Variants in ATP8B4 observed in about 807,000 individuals in gnomAD.
The protein encoded by ATP8B4 is ATPase phospholipid transporting 8B4 (putative).
A neutral mutation model predicts 145.6 loss-of-function variants in ATP8B4; 133 were observed. The ratio of observed to expected loss-of-function variants is 0.91; its 90% CI spans 0.79 to 1.05. ATP8B4 has a LOEUF of 1.05. ATP8B4 is among the 50% of genes least tolerant of loss of function. The pLI, the probability that ATP8B4 is intolerant of heterozygous loss-of-function variation, is 0.00. For missense variants in ATP8B4, 1,458 were observed against 1,425.2 expected, an observed-to-expected ratio of 1.02 and a Z score of -0.37; for synonymous variants, 507 against 492.9, an observed-to-expected ratio of 1.03 and a Z score of -0.38.
Position 50,150,865 on chromosome 15 carries a change from T to C in ATP8B4, c.-43+31396A>G, listed in dbSNP as rs1054358646. 6.6e-5 allele frequency among the ~76,000 whole-genome samples: 10 copies of C among 152,228 alleles called. 1 individual carries two copies. Among genetic ancestry groups the C allele is most frequent in the Admixed American group, 6.5e-4 (10 of 15,276 alleles). ...CTGGGCTAAGGCTAAAGACAACCAA[T>C]TGAATAAATCAAATGACCATTATCC... On this transcript the variant is annotated intron_variant, in intron 1 of 3. Coordinates refer to the ATP8B4 transcript ENST00000558829.
At chr15:50,027,371 A>ATGGATGGG (rs1432852721) in intron 6 of ATP8B4, among the ~76,000 whole-genome samples, 1 of 150,638 alleles carries the variant, frequency 6.6e-6, no homozygotes, top group Non-Finnish European at 1.5e-5. Flanking sequence ...TAAATATGGG[A>ATGGATGGG]TGGATGGGTG....
At chr15:49,944,464 C>A (rs1054848658) in intron 14 of ATP8B4, among the ~76,000 whole-genome samples, 1 of 152,032 alleles carries the variant, frequency 6.6e-6, no homozygotes, top group African/African-American at 2.4e-5. Flanking sequence ...AAAACCATTA[C>A]AAGAGACAAA....
intron 13 of ATP8B4, among the ~76,000 whole-genome samples, chr15:49,968,802 C>G (rs2044803311): frequency 6.6e-6 from 1 of 152,182 alleles, no homozygotes; most frequent in East Asian, 1.9e-4. Context: ...ACTCTCCACC[C>G]CAAATCAACA....
rs149974306 is a variant in ATP8B4 at position 50,172,315 on chromosome 15, G to A, written c.-43+9946C>T. Among the ~76,000 whole-genome samples, 960 of 152,360 alleles carry A rather than the reference G, an allele frequency of 6.3e-3. 12 individuals carry two copies. Among genetic ancestry groups the A allele is most frequent in the African/African-American group, 0.022 (917 of 41,580 alleles). On this transcript the variant is annotated intron_variant, in intron 1 of 3. Transcript: ENST00000558829. The stretch of plus-strand genomic sequence containing the variant: ...GCGCCGCCACGCCTGACTGGTTTTC[G>A]TATTTTTTGGTGGAGACGGGGTTTC...
intron 1 of ATP8B4, among the ~76,000 whole-genome samples, chr15:50,160,015 CTTTTTTTTTTTT>C (rs35773416): frequency 1.5e-4 from 3 of 20,080 alleles, no homozygotes; most frequent in African/African-American, 6.3e-4. Context: ...CAGGTCCTGG[CTTTTTTTTTTTT>C]TTTTTTTTTT....
chr15:50,033,981 G>A (rs1203303574), intron 6 of ATP8B4, among the ~76,000 whole-genome samples: 2 of 152,158 alleles, frequency 1.3e-5, no homozygotes, highest in African/African-American at 4.8e-5. Context: ...CATTTAGGAA[G>A]ATTCCATGTC....
chr15:50,132,248 T>C (rs1436634113), intron 1 of ATP8B4, among the ~76,000 whole-genome samples: 3 of 152,270 alleles, frequency 2.0e-5, no homozygotes, highest in Admixed American at 6.5e-5. Flanking sequence ...ATTGGTAATA[T>C]GAATATTAAT....
chr15:50,104,866 T>TACACACACACACACACACACACACAC lies in ATP8B4; in HGVS notation c.28+2072_28+2073insGTGTGTGTGTGTGTGTGTGTGTGTGT, dbSNP rs142425113. Reference sequence around the variant, plus strand: ...ACGAGCAAATAAAGAAAATGTTGCATACACACACACACACACACACACCCA... The same window carrying TACACACACACACACACACACACACAC: ...ACGAGCAAATAAAGAAAATGTTGCATACACACACACACACACACACACACACACACACACACACACACACACACCCA... On this transcript the variant is annotated intron_variant, in intron 2 of 27. Coordinates refer to ENST00000284509, the MANE Select transcript of ATP8B4 (RefSeq NM_024837.4). Among the ~76,000 whole-genome samples the TACACACACACACACACACACACACAC allele has an allele frequency of 2.5e-4, 29 of 116,388 alleles. No individual in the cohort carries two copies. In the East Asian group the frequency reaches 4.2e-3, roughly 17 times the overall value. 76.4% of individuals were successfully genotyped at this position (116,388 alleles called of 152,430 possible).
At chr15:49,959,551 G>A (rs986587582) in intron 14 of ATP8B4, among the ~76,000 whole-genome samples, 6 of 151,954 alleles carry the variant, frequency 3.9e-5, no homozygotes, top group Non-Finnish European at 8.8e-5. Flanking sequence ...AGATAGTATG[G>A]TTATATACTT....
intron 7 of ATP8B4, chr15:50,009,737 C>A (rs954158312): frequency 4.4e-5 from 20 of 450,518 alleles, no homozygotes; most frequent in East Asian, 4.2e-4. Context: ...AAATAGATTG[C>A]GAGTGAGAAC....
At chr15:50,061,690 T>A (rs2053038131) in intron 3 of ATP8B4, among the ~76,000 whole-genome samples, 1 of 152,202 alleles carries the variant, frequency 6.6e-6, no homozygotes, top group South Asian at 2.1e-4. Flanking sequence ...AACATGTGAC[T>A]GGCACTTGGC....
intron 14 of ATP8B4, among the ~76,000 whole-genome samples, chr15:49,954,967 T>C (rs918757871): frequency 5.9e-5 from 9 of 152,282 alleles, no homozygotes; most frequent in Admixed American, 5.2e-4. Context: ...ATGTGGTAAA[T>C]ATACACTATG....
intron 1 of ATP8B4, among the ~76,000 whole-genome samples, chr15:50,172,972 G>A (rs1281077106): frequency 1.3e-5 from 2 of 150,566 alleles, no homozygotes; most frequent in South Asian, 2.1e-4. Flanking sequence ...GGAGGTGGGG[G>A]GCAGCCCCCG....
chr15:50,096,438 T>C lies in ATP8B4; in HGVS notation c.28+10501A>G, dbSNP rs1567353061. Among the ~76,000 whole-genome samples the C allele has an allele frequency of 1.3e-5, 2 of 152,050 alleles. 1 individual carries two copies. The highest frequency in any genetic ancestry group is 4.1e-4 in the South Asian group (2 of 4,822). Reference sequence around the variant, plus strand: ...ATAAAGTTAAAGCAGCACACAAACTTAGGAAGGGTTTGAAAGGCAGAAGAC... The same window carrying C: ...ATAAAGTTAAAGCAGCACACAAACTCAGGAAGGGTTTGAAAGGCAGAAGAC... On this transcript the variant is annotated intron_variant, in intron 2 of 27. Coordinates refer to ENST00000284509, the MANE Select transcript of ATP8B4 (RefSeq NM_024837.4).
At chr15:50,013,327 A>C (rs2153573283) in intron 6 of ATP8B4, among the ~76,000 whole-genome samples, 1 of 152,212 alleles carries the variant, frequency 6.6e-6, no homozygotes, top group Admixed American at 6.5e-5. Flanking sequence ...GGGACATAGG[A>C]TGGCCTTTTG....
chr15:49,990,475 T>G (rs1285056068), intron 9 of ATP8B4, among the ~76,000 whole-genome samples: 1 of 152,160 alleles, frequency 6.6e-6, no homozygotes, highest in East Asian at 1.9e-4. Context: ...CATATCTGTT[T>G]GCCCCTCTGA....
At chr15:49,877,258 T>C (rs930170335) in intron 24 of ATP8B4, among the ~76,000 whole-genome samples, 1 of 152,172 alleles carries the variant, frequency 6.6e-6, no homozygotes, top group Non-Finnish European at 1.5e-5. Flanking sequence ...TGTGATTCAA[T>C]AGGGCTGAGG....
chr15:49,985,823 G>A (rs1473257968), intron 10 of ATP8B4, among the ~76,000 whole-genome samples: 1 of 152,074 alleles, frequency 6.6e-6, no homozygotes, highest in African/African-American at 2.4e-5. Flanking sequence ...TTTTCCGTAT[G>A]CATTATCTCA....
chr15:50,006,395 G>T (rs1315568087), intron 7 of ATP8B4, among the ~76,000 whole-genome samples: 13 of 148,158 alleles, frequency 8.8e-5, no homozygotes. Context: ...TAGAAAGATA[G>T]AGATGGTTTA....
Sources: gnomAD v4.1 joint callset for allele counts (sites outside exome capture counted in the v4.1 genomes callset) on GRCh38, gnomAD v4.1.1 for gene constraint, MANE v1.5 for transcripts, NCBI Gene and HGNC (gene_info 2026-07-23, HGNC 2026-07-21) for gene names.